Variants in PARPBP observed in about 807,000 individuals in gnomAD.
The protein encoded by PARPBP is PARP1 binding protein.
A neutral mutation model predicts 50.0 loss-of-function variants in PARPBP; 52 were observed. The ratio of observed to expected loss-of-function variants is 1.04; its 90% CI spans 0.83 to 1.31. The LOEUF is 1.31. PARPBP is among the 50% of genes most tolerant of loss of function. PARPBP has a pLI of 0.00. For synonymous variants in PARPBP, 244 were observed against 232.1 expected, an observed-to-expected ratio of 1.05 and a Z score of -0.47; for missense variants, 697 against 672.0, an observed-to-expected ratio of 1.04 and a Z score of -0.41.
chr12:102,169,206 A>G (rs933606451), intron 6 of PARPBP, among the ~76,000 whole-genome samples: 1 of 152,106 alleles, frequency 6.6e-6, no homozygotes, highest in African/African-American at 2.4e-5. Context: ...TGAGTCTTCA[A>G]ATTTAGTCAT....
chr12:102,124,103 T>G, intron 2 of PARPBP, 62 bp downstream of exon 2: 2 of 1,088,220 alleles, frequency 1.8e-6, no homozygotes, highest in South Asian at 1.4e-5. Flanking sequence ...GCTGCCCATT[T>G]GAATAAACTT....
rs771481286 is a variant in PARPBP, at chr12:102,164,508, C to G, written c.566C>G (p.Ala189Gly). 8 of 1,612,396 alleles carry G rather than the reference C, an allele frequency of 5.0e-6. No individual in the cohort carries two copies. The highest frequency in any genetic ancestry group is 6.8e-6 in the Non-Finnish European group (8 of 1,178,640). Residue 189 changes from alanine (A) to glycine (G), a missense_variant, in exon 5 of 11, where the codon GCT (alanine) becomes GGT (glycine). Physicochemically the swap from Ala to Gly is moderately conservative, Grantham distance 60. Transcript: ENST00000327680. ...CTAGTGAATTCAAAGAATGACCTGG[C>G]TGTGGCTTATATTCTCAATATTCCT... is the stretch of plus-strand genomic sequence containing the variant. ...NLLVNSKNDL[A>G]VAYILNIPDR... is the part of the protein sequence containing the mutation.
chr12:102,196,331 C>T lies in PARPBP; in HGVS notation c.*40C>T. ...TGCTTTAGGTTTATGTATCTATAAA[C>T]CATTCACCAAAGACATGCTTAATTT... is the stretch of plus-strand genomic sequence containing the variant. On this transcript the variant is annotated 3_prime_UTR_variant, in exon 11 of 11. Coordinates refer to ENST00000327680, the MANE Select transcript of PARPBP (RefSeq NM_017915.5). The T allele has an allele frequency of 7.9e-7, 1 of 1,271,500 alleles. No homozygotes were observed. Among genetic ancestry groups the T allele is most frequent in the Non-Finnish European group, 1.1e-6 (1 of 911,874 alleles). 78.8% of individuals were successfully genotyped at this position (1,271,500 alleles called of 1,614,324 possible). A position where few individuals can be genotyped will look rare whatever the true frequency, so the allele number is the denominator to read the frequency against.
chr12:102,124,388 C>G (rs1881635036), intron 2 of PARPBP, among the ~76,000 whole-genome samples: 1 of 152,094 alleles, frequency 6.6e-6, no homozygotes, highest in Non-Finnish European at 1.5e-5. Flanking sequence ...AAACTACTGG[C>G]TCTTGTACCC....
chr12:102,170,768 A>G (rs1888606593), intron 6 of PARPBP, among the ~76,000 whole-genome samples: 1 of 152,174 alleles, frequency 6.6e-6, no homozygotes, highest in Non-Finnish European at 1.5e-5. Flanking sequence ...TTAAAATTTG[A>G]CTATGAATTT....
chr12:102,188,838 A>T (rs571626084), intron 9 of PARPBP, among the ~76,000 whole-genome samples: 1 of 152,296 alleles, frequency 6.6e-6, no homozygotes, highest in South Asian at 2.1e-4. Context: ...TTTAGAATCG[A>T]TGACATAGAA....
chr12:102,127,216 G>A (rs145708245), intron 2 of PARPBP, among the ~76,000 whole-genome samples: 1,564 of 152,018 alleles, frequency 0.01, 21 homozygotes, highest in African/African-American at 0.036. Context: ...GCAACATGGC[G>A]AAACCTCGTC....
chr12:102,166,027 T>A lies in PARPBP; in HGVS notation c.821+144T>A, dbSNP rs1193522856. The A allele has an allele frequency of 6.8e-6, 4 of 588,810 alleles. No homozygotes were observed. The East Asian group carries it at 1.2e-4, about 17-fold the overall frequency. The allele number at this position is 588,810 out of a possible 1,614,324, so 36.5% of individuals were successfully genotyped here. The stretch of plus-strand genomic sequence containing the variant: ...AAACAAAATCTAGATGAATAAATTA[T>A]AATCACATGACCTTACCTCCTAAAT... On this transcript the variant is annotated intron_variant, in intron 6 of 10. Transcript: ENST00000327680.
chr12:102,139,737 T>C (rs1884253993), intron 2 of PARPBP, among the ~76,000 whole-genome samples: 1 of 152,244 alleles, frequency 6.6e-6, no homozygotes, highest in South Asian at 2.1e-4. Flanking sequence ...TCTGTTGAGA[T>C]AATCATGTGG....
intron 2 of PARPBP, among the ~76,000 whole-genome samples, chr12:102,134,238 C>CAAAAAAAAAAAAAAAAAAAAAAGAAAAAA (rs771158918): frequency 1.1e-5 from 1 of 91,334 alleles, no homozygotes; most frequent in Admixed American, 1.1e-4. Context: ...AGAGAAGCCT[C>CAAAAAAAAAAAAAAAAAAAAAAGAAAAAA]AAAAAAAAAA....
At chr12:102,179,315 C>G (rs1337805902) in intron 8 of PARPBP, among the ~76,000 whole-genome samples, 1 of 152,142 alleles carries the variant, frequency 6.6e-6, no homozygotes, top group African/African-American at 2.4e-5. Context: ...CCTGCTTCTC[C>G]CTCAAATTAT....
intron 10 of PARPBP, among the ~76,000 whole-genome samples, chr12:102,195,693 T>C (rs1353153529): frequency 1.3e-5 from 2 of 151,780 alleles, no homozygotes; most frequent in Admixed American, 1.3e-4. Context: ...GGATTAAATG[T>C]CATGCATTCA....
chr12:102,193,509 C>T (rs1890996686), intron 9 of PARPBP, among the ~76,000 whole-genome samples: 1 of 151,816 alleles, frequency 6.6e-6, no homozygotes, highest in South Asian at 2.1e-4. Flanking sequence ...TTACTATACT[C>T]TTTATAACTC....
At chr12:102,122,476 A>G (rs1485849049) in intron 1 of PARPBP, among the ~76,000 whole-genome samples, 1 of 152,246 alleles carries the variant, frequency 6.6e-6, no homozygotes, top group African/African-American at 2.4e-5. Flanking sequence ...TAGCAGAAGG[A>G]GTCAGGAAAT....
intron 9 of PARPBP, among the ~76,000 whole-genome samples, chr12:102,184,437 G>A (rs1409228163): frequency 2.0e-5 from 3 of 152,122 alleles, no homozygotes; most frequent in African/African-American, 4.8e-5. Context: ...TAATTACTAC[G>A]AAACGTATAG....
At chr12:102,145,950 A>G (rs974273092) in intron 2 of PARPBP, among the ~76,000 whole-genome samples, 35 of 152,264 alleles carry the variant, frequency 2.3e-4, no homozygotes, top group Non-Finnish European at 4.1e-4. Context: ...AGTAATAGTA[A>G]TGAAACATAA....
chr12:102,123,829 A>G, intron 1 of PARPBP, 57 bp from the exon 2 acceptor site: 1 of 1,207,090 alleles, frequency 8.3e-7, no homozygotes, highest in African/African-American at 1.5e-5. Flanking sequence ...TACATGTTAA[A>G]TGTTAATTTC....
rs1243853422 is a variant in PARPBP at position 102,196,133 on chromosome 12, C to T, written c.1582C>T (p.Pro528Ser). ...TATTCTCTGTGATAATAGAAATGAA[C>T]CACCTCAACATAAAAATGCTAAAAT... ...ENILCDNRNE[P>S]PQHKNAKIPK... The change falls in exon 11 of 11, where the codon CCA becomes TCA. Residue 528 changes from proline to serine, a missense_variant. Physicochemically the swap from Pro to Ser is moderately conservative, Grantham distance 74. Transcript: ENST00000327680. 4.3e-6 allele frequency: 7 copies of T among 1,611,744 alleles called. No homozygotes were observed. The highest frequency in any genetic ancestry group is 5.9e-6 in the Non-Finnish European group (7 of 1,178,572).
intron 4 of PARPBP, among the ~76,000 whole-genome samples, chr12:102,163,410 T>G (rs1002972947): frequency 6.6e-6 from 1 of 152,214 alleles, no homozygotes; most frequent in Non-Finnish European, 1.5e-5. Flanking sequence ...TACTTTTGGC[T>G]GTCAGAGTTT....
Sources: allele counts gnomAD v4.1 joint callset (sites outside exome capture counted in the v4.1 genomes callset), GRCh38; gene constraint gnomAD v4.1.1; transcripts MANE v1.5; gene names NCBI Gene and HGNC (gene_info 2026-07-23, HGNC 2026-07-21).